Variants in EPHX1 observed in about 807,000 individuals in gnomAD.
EPHX1 encodes epoxide hydrolase 1, also known as epoxide hydratase.
EPHX1 carries 40 observed loss-of-function variants against 43.2 expected under a neutral mutation model. That is an observed-to-expected ratio of 0.93 (90% CI 0.72 to 1.21). EPHX1 has a LOEUF of 1.21. Ranked by LOEUF, EPHX1 falls within the 50% of genes most tolerant of loss-of-function variation. EPHX1 has a pLI of 0.00. For synonymous variants in EPHX1, 221 were observed against 226.7 expected (o/e 0.98, Z 0.22); for missense variants, 550 against 570.4 (o/e 0.96, Z 0.36).
At chr1:225,822,391 G>A (rs1213599787) in intron 1 of EPHX1, among the ~76,000 whole-genome samples, 1 of 152,170 alleles carries the variant, frequency 6.6e-6, no homozygotes. Flanking sequence ...TCTCAGCCCA[G>A]TAACTTGTCA....
intron 5 of EPHX1, 97 bp downstream of exon 5, chr1:225,839,443 C>T: frequency 6.4e-7 from 1 of 1,568,822 alleles, no homozygotes; most frequent in Non-Finnish European, 8.6e-7. Context: ...GGCCAAGGAC[C>T]CCCCAGGGGA....
chr1:225,838,579 C>T, intron 3 of EPHX1, 75 bp from the exon 4 acceptor site: 1 of 1,340,180 alleles, frequency 7.5e-7, no homozygotes, highest in Non-Finnish European at 1.1e-6. Context: ...AATATCTAGG[C>T]TCTGGGGGGT....
At chr1:225,838,089 A>C (rs1465038001) in intron 3 of EPHX1, among the ~76,000 whole-genome samples, 1 of 152,200 alleles carries the variant, frequency 6.6e-6, no homozygotes, top group African/African-American at 2.4e-5. Context: ...TTTTATAAAA[A>C]CTGGGTCACA....
At chr1:225,835,863 T>C (rs1188338960) in intron 3 of EPHX1, among the ~76,000 whole-genome samples, 1 of 152,126 alleles carries the variant, frequency 6.6e-6, no homozygotes, top group Non-Finnish European at 1.5e-5. Context: ...TGGGCATTTA[T>C]GGTACAAAAC....
At position 225,828,769 on chromosome 1, in the gene EPHX1, G is replaced by A; in HGVS notation, c.40G>A (p.Ala14Thr). The A allele has an allele frequency of 6.2e-7, 1 of 1,613,702 alleles. No homozygotes were observed. The highest frequency in any genetic ancestry group is 8.5e-7 in the Non-Finnish European group (1 of 1,179,948). Reference protein sequence around the residue: ...EILLTSVLGFAIYWFISRDKE... With the variant: ...EILLTSVLGFTIYWFISRDKE... Reference sequence around the variant, plus strand: ...CCTCCTCACTTCAGTGCTGGGCTTTGCCATCTACTGGTTCATCTCCCGGGA... The same window carrying A: ...CCTCCTCACTTCAGTGCTGGGCTTTACCATCTACTGGTTCATCTCCCGGGA... Residue 14 changes from alanine (A) to threonine (T), a missense_variant, in exon 2 of 9, where the codon GCC (alanine) becomes ACC (threonine). Ala to Thr is a moderately conservative substitution (Grantham distance 58). Coordinates refer to ENST00000272167, the MANE Select transcript of EPHX1 (RefSeq NM_001136018.4).
intron 1 of EPHX1, among the ~76,000 whole-genome samples, chr1:225,827,940 C>G (rs1424933087): frequency 1.3e-5 from 2 of 152,206 alleles, no homozygotes; most frequent in African/African-American, 4.8e-5. Flanking sequence ...GGATAAGCCT[C>G]TCTCCAAGAA....
chr1:225,824,819 G>T (rs1354535121), intron 1 of EPHX1, among the ~76,000 whole-genome samples: 1 of 152,176 alleles, frequency 6.6e-6, no homozygotes, highest in Non-Finnish European at 1.5e-5. Context: ...CAGCGGGGTT[G>T]GAAACCCACC....
intron 3 of EPHX1, among the ~76,000 whole-genome samples, 179 bp from the exon 4 acceptor site, chr1:225,838,475 A>T (rs947869213): frequency 6.6e-6 from 1 of 151,818 alleles, no homozygotes; most frequent in Non-Finnish European, 1.5e-5. Context: ...ACATCTGTGC[A>T]CCTGGAGCAC....
intron 5 of EPHX1, 61 bp downstream of exon 5, chr1:225,839,407 TAAG>T (rs1490362026): frequency 2.2e-6 from 3 of 1,385,792 alleles, no homozygotes; most frequent in Non-Finnish European, 2.9e-6. Flanking sequence ...GTGTGTCCTC[TAAG>T]AAGTGGACCT....
rs189380029 is a variant in EPHX1 at position 225,839,030 on chromosome 1, C to T, written c.592+149C>T. 128 of 1,316,922 alleles carry T rather than the reference C, an allele frequency of 9.7e-5. No individual in the cohort carries two copies. The East Asian group carries it at 2.7e-3, about 27-fold the overall frequency. The allele number at this position is 1,316,922 out of a possible 1,614,324, so 81.6% of individuals were successfully genotyped here. A position where few individuals can be genotyped will look rare whatever the true frequency, so the allele number is the denominator to read the frequency against. On this transcript the variant is annotated intron_variant, in intron 4 of 8. Coordinates refer to ENST00000272167, the MANE Select transcript of EPHX1 (RefSeq NM_001136018.4). ...GGGCCTGAGAGGCCGGCCCCAGACA[C>T]ACCGCCCTCCGGGGCTGGAGATGCC...
rs112510399 is a variant in EPHX1, at chr1:225,835,704, CT to C, written c.365-2935del. On this transcript the variant is annotated intron_variant, in intron 3 of 8. Coordinates refer to ENST00000272167, the MANE Select transcript of EPHX1 (RefSeq NM_001136018.4). The stretch of plus-strand genomic sequence containing the variant: ...GCACCCGGCCTTTGTTTTTTCTTTC[CT>C]TTTTTTTTTTTTTTACATTTTTAGT... Among the ~76,000 whole-genome samples, 1,155 of 141,598 alleles carry C rather than the reference CT, an allele frequency of 8.2e-3. 3 individuals carry two copies. Among genetic ancestry groups the C allele is most frequent in the Middle Eastern group, 0.011 (3 of 276 alleles). The allele number at this position is 141,598 out of a possible 152,430, so 92.9% of individuals were successfully genotyped here.
chr1:225,839,171 T>C (rs975498978), intron 4 of EPHX1, 46 bp from the exon 5 acceptor site: 2 of 1,613,296 alleles, frequency 1.2e-6, no homozygotes, highest in African/African-American at 2.7e-5. Flanking sequence ...CAAGGAGCAA[T>C]CTGCCTGTGA....
At chr1:225,810,524 G>C (rs1666423638) in intron 1 of EPHX1, 1 of 151,902 alleles carries the variant, frequency 6.6e-6, no homozygotes, top group Non-Finnish European at 1.5e-5. Context: ...GCCGTGGCTC[G>C]CTCGGCGGTG....
chr1:225,821,233 T>C (rs142266290), intron 1 of EPHX1, among the ~76,000 whole-genome samples: 1 of 152,256 alleles, frequency 6.6e-6, no homozygotes, highest in Non-Finnish European at 1.5e-5. Context: ...CATTAAATTA[T>C]TAAACTGATC....
At position 225,845,475 on chromosome 1, in the gene EPHX1, A is replaced by AC. The variant is rs1157569120; in HGVS notation, c.*133dup. On this transcript the variant is annotated 3_prime_UTR_variant, in exon 9 of 9. Coordinates refer to ENST00000272167, the MANE Select transcript of EPHX1 (RefSeq NM_001136018.4). ...CTGCCCATGCTGGGAGCCCACGCTC[A>AC]CCCCCTCACCCCTCCAAGCTCACTC... The AC allele has an allele frequency of 7.8e-6, 7 of 901,416 alleles. No individual in the cohort carries two copies. The highest frequency in any genetic ancestry group is 2.2e-5 in the Admixed American group (1 of 45,836). The allele number at this position is 901,416 out of a possible 1,614,324, so 55.8% of individuals were successfully genotyped here. A position where few individuals can be genotyped will look rare whatever the true frequency, so the allele number is the denominator to read the frequency against.
In EPHX1 at chr1:225,845,172, T is replaced by C. The variant is rs1668849124; in HGVS notation, c.1193T>C (p.Phe398Ser). The C allele has an allele frequency of 2.5e-6, 4 of 1,614,120 alleles. No homozygotes were observed. Among genetic ancestry groups the C allele is most frequent in the Non-Finnish European group, 2.5e-6 (3 of 1,180,018 alleles). ...ERMKVYVPTGFSAFPFELLHT... is the reference protein window; with the variant it reads ...ERMKVYVPTGSSAFPFELLHT... ...ATGAAGGTCTATGTGCCCACTGGCTTCTCTGCCTTCCCTTTTGAGCTATTG... is the reference window on the plus strand; with the variant it reads ...ATGAAGGTCTATGTGCCCACTGGCTCCTCTGCCTTCCCTTTTGAGCTATTG... Residue 398 changes from phenylalanine to serine, a missense_variant, in exon 9 of 9, where the codon TTC becomes TCC. Coordinates refer to ENST00000272167, the MANE Select transcript of EPHX1 (RefSeq NM_001136018.4).
Position 225,845,312 on chromosome 1 carries a change from A to G in EPHX1, c.1333A>G (p.Ile445Val), listed in dbSNP as rs767079609. ...FEEPELLAQD[I>V]RKFLSVLERQ is the part of the protein sequence containing the mutation. ...GGAGCCGGAGCTGCTCGCCCAGGAC[A>G]TCCGCAAGTTCCTGTCGGTGCTGGA... is the stretch of plus-strand genomic sequence containing the variant. The change falls in exon 9 of 9, where the codon ATC becomes GTC. Residue 445 changes from isoleucine to valine, a missense_variant. Transcript: ENST00000272167. 52 of 1,612,196 alleles carry G rather than the reference A, an allele frequency of 3.2e-5. No homozygotes were observed. The highest frequency in any genetic ancestry group is 4.3e-5 in the Non-Finnish European group (51 of 1,179,974).
intron 2 of EPHX1, among the ~76,000 whole-genome samples, chr1:225,831,201 C>T (rs1559020825): frequency 2.0e-5 from 3 of 152,156 alleles, no homozygotes. Context: ...TTGCCGACTC[C>T]CGCTGTAGAG....
At chr1:225,810,313 C>G (rs1409196077) in intron 1 of EPHX1, 144 bp downstream of exon 1, 1 of 151,928 alleles carries the variant, frequency 6.6e-6, no homozygotes, top group Non-Finnish European at 1.5e-5. Flanking sequence ...TGCAGAGGGA[C>G]TTGTAGTTGG....
Sources: allele counts gnomAD v4.1 joint callset (sites outside exome capture counted in the v4.1 genomes callset), GRCh38; gene constraint gnomAD v4.1.1; transcripts MANE v1.5; gene names NCBI Gene and HGNC (gene_info 2026-07-23, HGNC 2026-07-21).